MMP26: variants seen among roughly 807,000 people sequenced by gnomAD.
The protein encoded by MMP26 is matrix metalloproteinase-26.
Under a neutral mutation model 31.0 loss-of-function variants are expected in MMP26, and 33 were observed. That is an observed-to-expected ratio of 1.06 (90% CI 0.81 to 1.42). The LOEUF (loss-of-function observed/expected upper bound fraction) is 1.42. Among genes scored for constraint, MMP26 ranks in the 40% most tolerant of loss-of-function variants. MMP26 has a pLI of 0.00. For synonymous variants in MMP26, 122 were observed against 114.9 expected (o/e 1.06, Z -0.40); for missense variants, 347 against 316.1 (o/e 1.10, Z -0.74).
intron 2 of MMP26, among the ~76,000 whole-genome samples, chr11:4,802,799 T>C (rs1367596988): frequency 6.6e-6 from 1 of 152,168 alleles, no homozygotes; most frequent in African/African-American, 2.4e-5. Context: ...TGGGCGATAG[T>C]TTTTCTTTTC....
chr11:4,783,275 G>C (rs67885020), intron 2 of MMP26, among the ~76,000 whole-genome samples: 14,446 of 152,316 alleles, frequency 0.095, 857 homozygotes, highest in Middle Eastern at 0.15. Context: ...TCTTGCATCA[G>C]TGTGACCCAG....
chr11:4,829,670 C>T (rs1849620463), intron 2 of MMP26, among the ~76,000 whole-genome samples: 1 of 152,010 alleles, frequency 6.6e-6, no homozygotes, highest in Admixed American at 6.6e-5. Context: ...AGATATAAGA[C>T]AATGGGGAAA....
chr11:4,789,739 A>T (rs1848997766), intron 2 of MMP26, among the ~76,000 whole-genome samples: 1 of 151,082 alleles, frequency 6.6e-6, no homozygotes, highest in Admixed American at 6.6e-5. Context: ...ACGGGGTTTC[A>T]CTGTGTTAGC....
intron 2 of MMP26, among the ~76,000 whole-genome samples, chr11:4,785,849 C>G (rs911954528): frequency 6.6e-6 from 1 of 152,130 alleles, no homozygotes; most frequent in East Asian, 1.9e-4. Context: ...GTTTTAGTAT[C>G]CTCTACTGTC....
intron 1 of MMP26, among the ~76,000 whole-genome samples, chr11:4,718,351 G>T (rs1847964222): frequency 6.6e-6 from 1 of 152,156 alleles, no homozygotes; most frequent in African/African-American, 2.4e-5. Flanking sequence ...ACTTAAATAA[G>T]ACGGAATGCT....
chr11:4,729,982 A>G lies in MMP26; in HGVS notation c.-217+24937A>G, dbSNP rs889397344. 2.3e-5 allele frequency among the ~76,000 whole-genome samples: 3 copies of G among 130,646 alleles called. No homozygotes were observed. In the Admixed American group the frequency reaches 2.6e-4, roughly 11 times the overall value. The allele number at this position is 130,646 out of a possible 152,430, so 85.7% of individuals were successfully genotyped here. A position where few individuals can be genotyped will look rare whatever the true frequency, so the allele number is the denominator to read the frequency against. ...ATATTTGCATTAAAATGCATAGATAATACAGCCCTCATTTTTGTAGCTGGT... is the reference window on the plus strand; with the variant it reads ...ATATTTGCATTAAAATGCATAGATAGTACAGCCCTCATTTTTGTAGCTGGT... On this transcript the variant is annotated intron_variant, in intron 1 of 7. Coordinates refer to ENST00000380390, the MANE Select transcript of MMP26 (RefSeq NM_021801.5).
chr11:4,821,464 C>G (rs1355441658), intron 2 of MMP26: 9 of 1,613,500 alleles, frequency 5.6e-6, no homozygotes, highest in Non-Finnish European at 6.8e-6. Context: ...TCTGATCTTC[C>G]TCCTGATGGG....
intron 1 of MMP26, among the ~76,000 whole-genome samples, chr11:4,755,365 A>T: frequency 6.6e-6 from 1 of 152,002 alleles, no homozygotes; most frequent in East Asian, 1.9e-4. Flanking sequence ...TAAAGTCAAA[A>T]TATCAGCCCA....
intron 1 of MMP26, among the ~76,000 whole-genome samples, chr11:4,718,187 T>C (rs2133272071): frequency 6.6e-6 from 1 of 152,320 alleles, no homozygotes; most frequent in Non-Finnish European, 1.5e-5. Flanking sequence ...GAGGATTTTT[T>C]GGATGGGCCT....
chr11:4,950,994 T>C (rs1297406860), intron 2 of MMP26, among the ~76,000 whole-genome samples: 3 of 124,004 alleles, frequency 2.4e-5, no homozygotes, highest in African/African-American at 8.2e-5. Flanking sequence ...GGTACATAAA[T>C]ACCTACCCTA....
At chr11:4,935,174 C>T (rs905382734) in intron 2 of MMP26, among the ~76,000 whole-genome samples, 4 of 151,710 alleles carry the variant, frequency 2.6e-5, no homozygotes, top group Non-Finnish European at 5.9e-5. Context: ...GGCAGTATGG[C>T]CGTTTTCACG....
intron 2 of MMP26, among the ~76,000 whole-genome samples, chr11:4,811,973 T>C (rs34733051): frequency 0.11 from 17,476 of 152,200 alleles, 1,113 homozygotes; most frequent in Middle Eastern, 0.19. Context: ...GGACTCTAAA[T>C]GTGGCTCACA....
intron 2 of MMP26, among the ~76,000 whole-genome samples, chr11:4,839,660 C>T (rs970658398): frequency 1.3e-5 from 2 of 151,778 alleles, no homozygotes; most frequent in South Asian, 4.2e-4. Context: ...AACTGAAGAG[C>T]CCTTGGACCC....
At position 4,733,534 on chromosome 11, in the gene MMP26, T is replaced by A. The variant is rs1341566314; in HGVS notation, c.-217+28489T>A. Reference sequence around the variant, plus strand: ...TTTATTTATCTCTTGTTCTGCAACTTGTCTGAACCCATTTATTAGTTTTAA... The same window carrying A: ...TTTATTTATCTCTTGTTCTGCAACTAGTCTGAACCCATTTATTAGTTTTAA... On this transcript the variant is annotated intron_variant, in intron 1 of 7. Coordinates refer to ENST00000380390, the MANE Select transcript of MMP26 (RefSeq NM_021801.5). 9.9e-5 allele frequency among the ~76,000 whole-genome samples: 15 copies of A among 152,184 alleles called. 1 individual carries two copies. The highest frequency in any genetic ancestry group is 3.6e-4 in the African/African-American group (15 of 41,468).
At chr11:4,968,005 G>C (rs929134561) in intron 2 of MMP26, among the ~76,000 whole-genome samples, 1 of 152,010 alleles carries the variant, frequency 6.6e-6, no homozygotes. Flanking sequence ...TATTCTTTAT[G>C]AGTTCATTCA....
intron 2 of MMP26, among the ~76,000 whole-genome samples, chr11:4,837,747 G>A (rs899415961): frequency 2.6e-5 from 4 of 152,038 alleles, no homozygotes; most frequent in African/African-American, 7.2e-5. Flanking sequence ...CAGAATTGGT[G>A]TGGATTTGGC....
At chr11:4,856,932 A>C (rs371706921) in intron 2 of MMP26, among the ~76,000 whole-genome samples, 1 of 152,196 alleles carries the variant, frequency 6.6e-6, no homozygotes, top group Non-Finnish European at 1.5e-5. Flanking sequence ...TCAAAACCGC[A>C]CAACTACATG....
At chr11:4,798,989 A>G (rs1217235011) in intron 2 of MMP26, among the ~76,000 whole-genome samples, 1 of 152,196 alleles carries the variant, frequency 6.6e-6, no homozygotes, top group Non-Finnish European at 1.5e-5. Context: ...GCTGCCTTTA[A>G]TACGGTTTTG....
chr11:4,772,662 T>C (rs1045694495), intron 2 of MMP26, among the ~76,000 whole-genome samples: 2 of 152,238 alleles, frequency 1.3e-5, no homozygotes, highest in African/African-American at 4.8e-5. Context: ...AAGCACCTGA[T>C]TATTGAGAGA....
Sources: allele counts gnomAD v4.1 joint callset (sites outside exome capture counted in the v4.1 genomes callset), GRCh38; gene constraint gnomAD v4.1.1; transcripts MANE v1.5; gene names NCBI Gene and HGNC (gene_info 2026-07-23, HGNC 2026-07-21).